The following DHX8 variants were observed in gnomAD, a reference collection of about 807,000 sequenced individuals.
DHX8 encodes ATP-dependent RNA helicase DHX8.
Under a neutral mutation model 140.7 loss-of-function variants are expected in DHX8, and 67 were observed. The ratio of observed to expected loss-of-function variants is 0.48; its 90% CI spans 0.39 to 0.58. The LOEUF (loss-of-function observed/expected upper bound fraction) is 0.58. Among genes scored for constraint, DHX8 ranks in the 20% least tolerant of loss-of-function variants. The probability of loss-of-function intolerance (pLI) is 0.00; values close to 1 mark genes in which losing one functional copy is unlikely to be tolerated. For missense variants in DHX8, 887 were observed against 1,550.7 expected (o/e 0.57, Z 7.19); for synonymous variants, 533 against 553.2 (o/e 0.96, Z 0.51).
chr17:43,512,189 C>G (rs1969880083), intron 16 of DHX8, among the ~76,000 whole-genome samples: 1 of 151,508 alleles, frequency 6.6e-6, no homozygotes, highest in Non-Finnish European at 1.5e-5. Flanking sequence ...GAGTTCGAGA[C>G]CAGCCTGGCC....
chr17:43,489,492 T>C lies in DHX8; in HGVS notation c.192T>C (p.Asp64=). Reference sequence around the variant, plus strand: ...TTGCTGAGAAAAATACCACCTTTGATACTTTTAAGGCTTCTCTCGTCAAAA... The same window carrying C: ...TTGCTGAGAAAAATACCACCTTTGACACTTTTAAGGCTTCTCTCGTCAAAA... ...ISLAEKNTTF[D]TFKASLVKNG... Residue 64 remains aspartate (D), a synonymous_variant, in exon 2 of 23, where the codon GAT becomes GAC. Transcript: ENST00000262415. 6.2e-7 allele frequency: 1 copy of C among 1,613,644 alleles called. No individual in the cohort carries two copies. The highest frequency in any genetic ancestry group is 1.3e-5 in the African/African-American group (1 of 75,056).
chr17:43,498,184 G>T (rs1289893803), intron 9 of DHX8, among the ~76,000 whole-genome samples: 1 of 149,156 alleles, frequency 6.7e-6, no homozygotes, highest in Non-Finnish European at 1.5e-5. Flanking sequence ...CGTTCTTGTT[G>T]CCCAGGCTGG....
chr17:43,499,075 GC>G (rs1469108361), intron 10 of DHX8, 116 bp downstream of exon 10: 8 of 738,606 alleles, frequency 1.1e-5, no homozygotes, highest in Non-Finnish European at 1.5e-5. Context: ...AGTATTACTG[GC>G]TGTTAGCCAG....
intron 11 of DHX8, among the ~76,000 whole-genome samples, chr17:43,501,152 A>G (rs1969171722): frequency 6.6e-6 from 1 of 152,214 alleles, no homozygotes; most frequent in African/African-American, 2.4e-5. Flanking sequence ...AATTATGATC[A>G]GTGCCATGTG....
intron 2 of DHX8, among the ~76,000 whole-genome samples, chr17:43,490,002 G>A (rs891797269): frequency 6.6e-6 from 1 of 151,778 alleles, no homozygotes; most frequent in Admixed American, 6.6e-5. Context: ...ATGCCATTAA[G>A]TAGTGATGAT....
At chr17:43,509,273 C>T (rs1210638237) in intron 16 of DHX8, among the ~76,000 whole-genome samples, 2 of 152,124 alleles carry the variant, frequency 1.3e-5, no homozygotes, top group Non-Finnish European at 2.9e-5. Flanking sequence ...GACAAGCATT[C>T]TAAGGACACA....
chr17:43,544,217 A>C (rs1377091402), exon 4 of DHX8: 2 of 152,674 alleles, frequency 1.3e-5, no homozygotes, highest in Non-Finnish European at 2.9e-5. Context: ...TCCAACCAGG[A>C]AACCTCCTGA....
At chr17:43,529,406 A>G, downstream of DHX8, 1 of 1,473,758 alleles carries the variant, frequency 6.8e-7, no homozygotes, top group Non-Finnish European at 9.3e-7. Context: ...AGGTAAAGCA[A>G]GAATCATGAT....
intron 16 of DHX8, 46 bp downstream of exon 16, chr17:43,508,566 G>T: frequency 7.4e-7 from 1 of 1,352,318 alleles, no homozygotes. Flanking sequence ...GAAACCATGT[G>T]TTGTGTGCAG....
intron 1 of DHX8, among the ~76,000 whole-genome samples, chr17:43,484,830 C>CG (rs942823612): frequency 6.6e-6 from 1 of 151,852 alleles, no homozygotes; most frequent in Non-Finnish European, 1.5e-5. Flanking sequence ...TTTGTAGAGA[C>CG]GGGGGTCTCA....
intron 11 of DHX8, 47 bp downstream of exon 11, chr17:43,500,150 C>T: frequency 6.3e-7 from 1 of 1,591,742 alleles, no homozygotes; most frequent in Non-Finnish European, 8.6e-7. Flanking sequence ...AAATCTGAGC[C>T]TTTCAGAACA....
At chr17:43,484,262 G>A (rs1458053554) in intron 1 of DHX8, 77 bp downstream of exon 1, 60 of 1,489,442 alleles carry the variant, frequency 4.0e-5, no homozygotes, top group Non-Finnish European at 5.2e-5. Flanking sequence ...GGAGAAAGGT[G>A]GTTGATGGAC....
chr17:43,484,499 G>A (rs867277560), intron 1 of DHX8, among the ~76,000 whole-genome samples: 1 of 152,160 alleles, frequency 6.6e-6, no homozygotes, highest in Non-Finnish European at 1.5e-5. Context: ...CGATGACGAC[G>A]ATGATGGCTG....
At position 43,525,206 on chromosome 17, in the gene DHX8, T is replaced by C; in HGVS notation, c.*1359T>C. The C allele has an allele frequency of 1.0e-6, 1 of 985,452 alleles. No homozygotes were observed. Among genetic ancestry groups the C allele is most frequent in the Non-Finnish European group, 1.2e-6 (1 of 829,944 alleles). The allele number at this position is 985,452 out of a possible 1,614,324, so 61.0% of individuals were successfully genotyped here. A position where few individuals can be genotyped will look rare whatever the true frequency, so the allele number is the denominator to read the frequency against. On this transcript the variant is annotated 3_prime_UTR_variant, in exon 23 of 23. Coordinates refer to ENST00000262415, the MANE Select transcript of DHX8 (RefSeq NM_004941.3). ...GCTTGTAGAGAAGCTTCTGAGAGAT[T>C]GGGCACATCCTGTTACGTTGCTGCT... is the stretch of plus-strand genomic sequence containing the variant.
At chr17:43,490,678 G>T (rs1422540624) in intron 3 of DHX8, among the ~76,000 whole-genome samples, 1 of 152,112 alleles carries the variant, frequency 6.6e-6, no homozygotes, top group Non-Finnish European at 1.5e-5. Flanking sequence ...TTTTAGACCA[G>T]CCTGGGCAAC....
At chr17:43,488,899 A>G (rs1254007216) in intron 1 of DHX8, among the ~76,000 whole-genome samples, 1 of 152,238 alleles carries the variant, frequency 6.6e-6, no homozygotes, top group Admixed American at 6.5e-5. Flanking sequence ...CAAGGGCTAC[A>G]TTGAGCCATT....
At chr17:43,531,038 T>C (rs912023194), downstream of DHX8, among the ~76,000 whole-genome samples, 25 of 152,056 alleles carry the variant, frequency 1.6e-4, no homozygotes, top group Admixed American at 1.4e-3. Context: ...CAAGAGTGCC[T>C]CCCTCCTCCT....
At chr17:43,517,120 A>C in intron 17 of DHX8, 47 bp from the exon 18 acceptor site, 1 of 1,557,808 alleles carries the variant, frequency 6.4e-7, no homozygotes, top group East Asian at 2.3e-5. Context: ...TAAAGCTGTT[A>C]AGCAGTGTTT....
Position 43,536,548 on chromosome 17 carries a change from C to T in DHX8, c.*20+50C>T, listed in dbSNP as rs1215345195. 10 of 1,380,810 alleles carry T rather than the reference C, an allele frequency of 7.2e-6. No homozygotes were observed. In the Admixed American group the frequency reaches 1.7e-4, roughly 24 times the overall value. The allele number at this position is 1,380,810 out of a possible 1,614,324, so 85.5% of individuals were successfully genotyped here. On this transcript the variant is annotated intron_variant, in intron 3 of 3. Coordinates refer to the DHX8 transcript ENST00000589898. ...TGTCCCCTGGGAGGCTCCATTATTA[C>T]AGCCCTGCAGATTAGCAACAGCCAA...
Sources: gnomAD v4.1 joint callset for allele counts (sites outside exome capture counted in the v4.1 genomes callset) on GRCh38, gnomAD v4.1.1 for gene constraint, MANE v1.5 for transcripts, NCBI Gene and HGNC (gene_info 2026-07-23, HGNC 2026-07-21) for gene names.